PRR5: variants seen among roughly 807,000 people sequenced by gnomAD.
The protein encoded by PRR5 is proline-rich protein 5.
PRR5 carries 25 observed loss-of-function variants against 30.6 expected under a neutral mutation model. The ratio of observed to expected loss-of-function variants is 0.82; its 90% CI spans 0.60 to 1.14. The LOEUF (loss-of-function observed/expected upper bound fraction) is 1.14. Ranked by LOEUF, PRR5 falls within the 50% of genes most tolerant of loss-of-function variation. PRR5 has a pLI of 0.00. For missense variants in PRR5, 600 were observed against 547.1 expected (o/e 1.10, Z -0.96); for synonymous variants, 286 against 247.1 (o/e 1.16, Z -1.48).
chr22:44,710,983 G>A (rs1290236604), intron 1 of PRR5, among the ~76,000 whole-genome samples: 8 of 152,050 alleles, frequency 5.3e-5, no homozygotes, highest in African/African-American at 1.9e-4. Context: ...CTGAACCACT[G>A]AGTGATTAGG....
At chr22:44,696,071 A>C (rs976779309) in intron 1 of PRR5, among the ~76,000 whole-genome samples, 1 of 151,460 alleles carries the variant, frequency 6.6e-6, no homozygotes, top group African/African-American at 2.4e-5. Context: ...TTACAGGCAC[A>C]CACCACCACA....
chr22:44,714,442 G>C (rs1031098682), intron 1 of PRR5, 149 bp from the exon 2 acceptor site: 2 of 1,111,220 alleles, frequency 1.8e-6, no homozygotes, highest in East Asian at 5.0e-5. Context: ...GGGGTGCAGG[G>C]CCTCGGAGTT....
chr22:44,695,790 A>G (rs996672491), intron 1 of PRR5, among the ~76,000 whole-genome samples: 11 of 151,802 alleles, frequency 7.2e-5, no homozygotes, highest in African/African-American at 2.7e-4. Flanking sequence ...TAGTAGAGAC[A>G]GGGTTTCACC....
chr22:44,673,472 C>G (rs1164231195), upstream of PRR5, among the ~76,000 whole-genome samples: 2 of 152,334 alleles, frequency 1.3e-5, no homozygotes, highest in African/African-American at 4.8e-5. Flanking sequence ...GTTCACTGTT[C>G]CATCATCATC....
Position 44,726,619 on chromosome 22 carries a change from A to G in PRR5, c.307A>G (p.Ile103Val), listed in dbSNP as rs1200787834. The change falls in exon 4 of 8, where the codon ATT becomes GTT. Residue 103 changes from isoleucine (I) to valine (V), a missense_variant. By Grantham distance (29) the Ile-to-Val change is conservative. Coordinates refer to ENST00000336985, the MANE Select transcript of PRR5 (RefSeq NM_181333.4). ...TKGMVILRDK[I>V]RFYEGQKLLD... ...AGGCATGGTGATCCTTCGGGACAAG[A>G]TTCGCTTCTATGAGGGTGAGTGTGG... 13 of 1,613,906 alleles carry G rather than the reference A, an allele frequency of 8.1e-6. No homozygotes were observed. The highest frequency in any genetic ancestry group is 1.3e-5 in the African/African-American group (1 of 74,896).
chr22:44,705,855 A>G (rs1477430479), intron 1 of PRR5, among the ~76,000 whole-genome samples: 2 of 151,762 alleles, frequency 1.3e-5, no homozygotes, highest in Non-Finnish European at 2.9e-5. Context: ...CAGTGGTGCA[A>G]TCTCAGCTCA....
Position 44,737,121 on chromosome 22 carries a change from C to G in PRR5, c.1041C>G (p.Asn347Lys). The part of the protein sequence containing the change: ...RSSLPRSSPE[N>K]LVDQILESVD... ...CCCTGCCCCGCTCCAGCCCGGAGAA[C>G]CTGGTGGACCAGATCCTGGAGTCCG... The change falls in exon 8 of 8, where the codon AAC becomes AAG. Residue 347 changes from asparagine to lysine, a missense_variant. By Grantham distance (94) the Asn-to-Lys change is moderately conservative. Coordinates refer to ENST00000336985, the MANE Select transcript of PRR5 (RefSeq NM_181333.4). 6.2e-7 allele frequency: 1 copy of G among 1,612,524 alleles called. No homozygotes were observed. Among genetic ancestry groups the G allele is most frequent in the Non-Finnish European group, 8.5e-7 (1 of 1,180,004 alleles).
intron 1 of PRR5, among the ~76,000 whole-genome samples, chr22:44,705,315 TTC>T (rs150361908): frequency 2.5e-3 from 379 of 152,022 alleles, no homozygotes; most frequent in African/African-American, 8.9e-3. Context: ...TCCCTCTCCT[TTC>T]TCTCTCTCTA....
intron 1 of PRR5, among the ~76,000 whole-genome samples, chr22:44,713,382 C>T (rs1200893293): frequency 1.3e-5 from 2 of 152,230 alleles, no homozygotes; most frequent in Non-Finnish European, 2.9e-5. Context: ...CAGGCGTGAG[C>T]CACCCCGCTC....
At chr22:44,689,945 G>T (rs1034990765) in intron 1 of PRR5, among the ~76,000 whole-genome samples, 3 of 152,186 alleles carry the variant, frequency 2.0e-5, no homozygotes, top group African/African-American at 7.2e-5. Flanking sequence ...CATCATACCC[G>T]GCCTCATTCC....
upstream of PRR5, among the ~76,000 whole-genome samples, chr22:44,702,043 A>C (rs1446973437): frequency 5.9e-5 from 9 of 151,976 alleles, no homozygotes. Context: ...AGACCCAGCG[A>C]GGCGTCGTGG....
chr22:44,731,860 C>G (rs776531088), intron 5 of PRR5, 39 bp downstream of exon 5: 85 of 1,590,598 alleles, frequency 5.3e-5, no homozygotes, highest in Non-Finnish European at 7.0e-5. Context: ...CCCAGTGCCC[C>G]TGCTGTGCCC....
upstream of PRR5, chr22:44,702,198 G>A: frequency 1.9e-6 from 2 of 1,049,302 alleles, no homozygotes; most frequent in Non-Finnish European, 2.3e-6. Context: ...CCCCGGGTCC[G>A]CCCCCGGCCT....
intron 1 of PRR5, among the ~76,000 whole-genome samples, chr22:44,695,085 C>A (rs754984321): frequency 6.6e-6 from 1 of 152,098 alleles, no homozygotes; most frequent in Admixed American, 6.6e-5. Flanking sequence ...GCAAGAGAAT[C>A]GCTTGAACCC....
upstream of PRR5, among the ~76,000 whole-genome samples, chr22:44,673,676 T>A (rs1330328409): frequency 6.6e-6 from 1 of 152,214 alleles, no homozygotes; most frequent in African/African-American, 2.4e-5. Flanking sequence ...TAAGCCCCTA[T>A]GACTGATAGT....
At chr22:44,678,133 T>C (rs1923928168) in intron 1 of PRR5, among the ~76,000 whole-genome samples, 1 of 152,170 alleles carries the variant, frequency 6.6e-6, no homozygotes, top group Non-Finnish European at 1.5e-5. Flanking sequence ...ATGGGAACCC[T>C]GTGGATGGTC....
At chr22:44,698,652 G>A (rs189432513), upstream of PRR5, among the ~76,000 whole-genome samples, 89 of 152,326 alleles carry the variant, frequency 5.8e-4, no homozygotes, top group African/African-American at 1.7e-3. Context: ...GGCAGTAGCC[G>A]GGTGGGAGCT....
At chr22:44,684,127 G>A (rs1924535859) in intron 1 of PRR5, among the ~76,000 whole-genome samples, 1 of 152,186 alleles carries the variant, frequency 6.6e-6, no homozygotes, top group Admixed American at 6.5e-5. Flanking sequence ...GGGCTTTTCA[G>A]TTAAACAAGC....
chr22:44,670,485 C>T (rs1305629750), intron 1 of PRR5, among the ~76,000 whole-genome samples: 2 of 152,236 alleles, frequency 1.3e-5, no homozygotes, highest in Non-Finnish European at 2.9e-5. Context: ...ATTACCCCCA[C>T]TCATCCACCC....
Sources: allele counts gnomAD v4.1 joint callset (sites outside exome capture counted in the v4.1 genomes callset), GRCh38; gene constraint gnomAD v4.1.1; transcripts MANE v1.5; gene names NCBI Gene and HGNC (gene_info 2026-07-23, HGNC 2026-07-21).